EPB41L4B: variants seen among roughly 807,000 people sequenced by gnomAD.
EPB41L4B encodes band 4.1-like protein 4B.
EPB41L4B carries 30 observed loss-of-function variants against 112.5 expected under a neutral mutation model. That is an observed-to-expected ratio of 0.27 (90% confidence interval 0.20 to 0.36). EPB41L4B has a LOEUF of 0.36. EPB41L4B is among the 10% of genes least tolerant of loss of function. EPB41L4B has a pLI of 1.00. For missense variants in EPB41L4B, 1,024 were observed against 1,133.3 expected (o/e 0.90, Z 1.38); for synonymous variants, 408 against 439.7 (o/e 0.93, Z 0.90).
chr9:109,304,231 T>G (rs1327395327), intron 1 of EPB41L4B, among the ~76,000 whole-genome samples: 1 of 152,246 alleles, frequency 6.6e-6, no homozygotes, highest in African/African-American at 2.4e-5. Flanking sequence ...AAACCTTTAC[T>G]TGGGGTACCT....
chr9:109,255,434 C>T, intron 11 of EPB41L4B, 77 bp downstream of exon 11: 1 of 1,551,084 alleles, frequency 6.4e-7, no homozygotes, highest in Admixed American at 1.8e-5. Flanking sequence ...ATCCACTACT[C>T]TATTCGCATA....
At chr9:109,187,029 T>C (rs1458681152) in intron 22 of EPB41L4B, among the ~76,000 whole-genome samples, 2 of 152,144 alleles carry the variant, frequency 1.3e-5, no homozygotes, top group African/African-American at 4.8e-5. Context: ...TCCAACAGCT[T>C]GTACTGGTGA....
At chr9:109,281,109 G>A (rs564891294) in intron 1 of EPB41L4B, among the ~76,000 whole-genome samples, 1 of 149,038 alleles carries the variant, frequency 6.7e-6, no homozygotes, top group East Asian at 2.0e-4. Context: ...TAAACTGGAC[G>A]TCATCAAAAT....
intron 17 of EPB41L4B, among the ~76,000 whole-genome samples, chr9:109,209,963 C>T (rs1271618895): frequency 2.0e-5 from 3 of 152,204 alleles, no homozygotes; most frequent in Non-Finnish European, 4.4e-5. Flanking sequence ...AATCGTACTG[C>T]TTCCCCTTCA....
intron 1 of EPB41L4B, among the ~76,000 whole-genome samples, chr9:109,314,245 G>A (rs1026350300): frequency 6.6e-6 from 1 of 152,232 alleles, no homozygotes; most frequent in African/African-American, 2.4e-5. Context: ...GAGGACAAAT[G>A]GTAGGCGGAG....
chr9:109,207,799 G>A (rs549369615), intron 18 of EPB41L4B, 125 bp downstream of exon 18: 15 of 1,176,698 alleles, frequency 1.3e-5, no homozygotes, highest in East Asian at 4.7e-5. Context: ...TCACATGCCC[G>A]GTTCTCATCT....
intron 2 of EPB41L4B, among the ~76,000 whole-genome samples, chr9:109,275,309 G>C (rs1835773170): frequency 6.6e-6 from 1 of 152,176 alleles, no homozygotes. Flanking sequence ...ACCATTGCTT[G>C]AAGGAGGCTC....
intron 11 of EPB41L4B, 152 bp from the exon 12 acceptor site, chr9:109,253,702 C>T (rs1349662983): frequency 3.2e-6 from 2 of 632,608 alleles, no homozygotes; most frequent in African/African-American, 1.9e-5. Context: ...GTTTAACCTT[C>T]CATTTGGAAA....
intron 3 of EPB41L4B, among the ~76,000 whole-genome samples, chr9:109,267,830 A>C (rs995482268): frequency 2.6e-5 from 4 of 152,130 alleles, no homozygotes; most frequent in African/African-American, 4.8e-5. Context: ...TTTTATTTTC[A>C]CCCCTGATGC....
At chr9:109,261,015 G>A (rs544908624) in intron 6 of EPB41L4B, among the ~76,000 whole-genome samples, 2 of 152,098 alleles carry the variant, frequency 1.3e-5, no homozygotes, top group Admixed American at 6.6e-5. Flanking sequence ...TGTCTCATTC[G>A]TGACACCCTG....
At chr9:109,275,596 T>C (rs1196504745) in intron 2 of EPB41L4B, among the ~76,000 whole-genome samples, 1 of 151,862 alleles carries the variant, frequency 6.6e-6, no homozygotes, top group Admixed American at 6.6e-5. Flanking sequence ...TGACTTCCGG[T>C]CCCCCCTCAC....
At chr9:109,278,312 T>C (rs1278319418) in intron 2 of EPB41L4B, among the ~76,000 whole-genome samples, 1 of 151,962 alleles carries the variant, frequency 6.6e-6, no homozygotes, top group Non-Finnish European at 1.5e-5. Flanking sequence ...GTCCTGAAGA[T>C]GCAGAGGAAG....
intron 18 of EPB41L4B, among the ~76,000 whole-genome samples, chr9:109,204,495 GA>G (rs1413784147): frequency 3.3e-5 from 5 of 152,088 alleles, no homozygotes; most frequent in African/African-American, 1.2e-4. Context: ...TTTTGTTTTT[GA>G]TTTCTTTATT....
intron 19 of EPB41L4B, among the ~76,000 whole-genome samples, chr9:109,202,730 G>A (rs115243326): frequency 6.6e-6 from 1 of 152,320 alleles, no homozygotes; most frequent in African/African-American, 2.4e-5. Flanking sequence ...TGGGAGGAGA[G>A]TGGATGATGA....
chr9:109,249,109 C>G (rs1179996318), intron 13 of EPB41L4B, among the ~76,000 whole-genome samples: 3 of 149,850 alleles, frequency 2.0e-5, no homozygotes, highest in African/African-American at 7.4e-5. Flanking sequence ...ATGGACAGAG[C>G]AGGCAATCAT....
chr9:109,262,863 C>T lies in EPB41L4B; in HGVS notation c.631+187G>A, dbSNP rs187608297. On this transcript the variant is annotated intron_variant, in intron 6 of 25. Transcript: ENST00000374566. ...CTGCACGTCTCTGTTCCTGAAGGAA[C>T]TGCACTGCAGTCCTTGCTACTCCTT... is the stretch of plus-strand genomic sequence containing the variant. 1.8e-3 allele frequency among the ~76,000 whole-genome samples: 278 copies of T among 152,316 alleles called. 1 individual carries two copies. Among genetic ancestry groups the T allele is most frequent in the Non-Finnish European group, 2.9e-3 (195 of 68,024 alleles).
At chr9:109,254,355 T>C (rs1834903064) in intron 11 of EPB41L4B, among the ~76,000 whole-genome samples, 1 of 152,222 alleles carries the variant, frequency 6.6e-6, no homozygotes, top group Non-Finnish European at 1.5e-5. Context: ...GATTTGATTG[T>C]TTCTCAAAAA....
At chr9:109,315,264 T>C (rs1030535688) in intron 1 of EPB41L4B, among the ~76,000 whole-genome samples, 1 of 152,056 alleles carries the variant, frequency 6.6e-6, no homozygotes, top group African/African-American at 2.4e-5. Context: ...GCCAGGGTTT[T>C]TCACTGGCTG....
chr9:109,225,129 C>T (rs1002246611), intron 15 of EPB41L4B, among the ~76,000 whole-genome samples: 3 of 152,228 alleles, frequency 2.0e-5, no homozygotes, highest in African/African-American at 7.2e-5. Flanking sequence ...GAGACTGTCA[C>T]ATCACATGTT....
Sources: gnomAD v4.1 joint callset for allele counts (sites outside exome capture counted in the v4.1 genomes callset) on GRCh38, gnomAD v4.1.1 for gene constraint, MANE v1.5 for transcripts, NCBI Gene and HGNC (gene_info 2026-07-23, HGNC 2026-07-21) for gene names.